Variants in HMCN1 observed in about 807,000 individuals in gnomAD.
The protein encoded by HMCN1 is hemicentin-1.
HMCN1 carries 321 observed loss-of-function variants against 625.9 expected under a neutral mutation model. That is an observed-to-expected ratio of 0.51 (90% CI 0.47 to 0.56). The LOEUF is 0.56. HMCN1 is among the 20% of genes least tolerant of loss of function. The pLI, the probability that HMCN1 is intolerant of heterozygous loss-of-function variation, is 0.00. For missense variants in HMCN1, 6,588 were observed against 6,887.3 expected (o/e 0.96, Z 1.54); for synonymous variants, 2,425 against 2,417.6 (o/e 1.00, Z -0.09).
Position 186,039,724 on chromosome 1 carries a change from T to C in HMCN1, c.6029-4T>C, listed in dbSNP as rs10911803. 2,014 of 1,613,304 alleles carry C rather than the reference T, an allele frequency of 1.2e-3. 21 individuals are homozygous for C. In the African/African-American group the frequency reaches 0.022, roughly 18 times the overall value. On this transcript the variant is annotated splice_polypyrimidine_tract_variant and splice_region_variant and intron_variant, in intron 38 of 106. Coordinates refer to ENST00000271588, the MANE Select transcript of HMCN1 (RefSeq NM_031935.3). ...CGTGTCTTACTTTCATTTGTTTTTT[T>C]CAGTGGCCCCATCAATTTCTGGCAG... is the stretch of plus-strand genomic sequence containing the variant.
intron 4 of HMCN1, among the ~76,000 whole-genome samples, chr1:185,881,549 C>T (rs1209935006): frequency 6.6e-6 from 1 of 152,176 alleles, no homozygotes; most frequent in African/African-American, 2.4e-5. Flanking sequence ...GAAAGGACAA[C>T]ATTCCAGTGG....
chr1:186,095,483 C>G lies in HMCN1; in HGVS notation c.10535C>G (p.Ala3512Gly), dbSNP rs374836783. The change falls in exon 68 of 107, where the codon GCT becomes GGT. Residue 3512 changes from alanine to glycine, a missense_variant. Physicochemically the swap from Ala to Gly is moderately conservative, Grantham distance 60 (BLOSUM62 0). Around this residue, in one of 3 missense-constraint regions of HMCN1, gnomAD observed 4,628 missense variants for 4,853.1 expected, o/e 0.95. Transcript: ENST00000271588. Reference sequence around the variant, plus strand: ...TACACCTGCATTGCCTCAAATGAAGCTGGAGAAGTCAGCAAGCACTTTATC... The same window carrying G: ...TACACCTGCATTGCCTCAAATGAAGGTGGAGAAGTCAGCAAGCACTTTATC... ...GKYTCIASNE[A>G]GEVSKHFILK... 3 of 1,613,490 alleles carry G rather than the reference C, an allele frequency of 1.9e-6. No homozygotes were observed. Among genetic ancestry groups the G allele is most frequent in the African/African-American group, 1.3e-5 (1 of 74,862 alleles).
intron 30 of HMCN1, among the ~76,000 whole-genome samples, chr1:186,008,127 A>G (rs550951861): frequency 6.6e-6 from 1 of 152,252 alleles, no homozygotes; most frequent in East Asian, 1.9e-4. Context: ...CTTATGATCT[A>G]TTTCTTTCCC....
intron 1 of HMCN1, among the ~76,000 whole-genome samples, chr1:185,781,326 G>GT (rs1336522932): frequency 1.3e-5 from 2 of 151,982 alleles, no homozygotes; most frequent in Non-Finnish European, 2.9e-5. Context: ...TTTTTTGAAG[G>GT]TTTTTTTGTG....
intron 83 of HMCN1, among the ~76,000 whole-genome samples, chr1:186,128,514 A>G (rs1661762389): frequency 6.6e-6 from 1 of 152,000 alleles, no homozygotes; most frequent in African/African-American, 2.4e-5. Context: ...ATTGCAGGTT[A>G]TAAGTAGCTT....
At chr1:186,161,984 A>G (rs1161266503) in intron 97 of HMCN1, among the ~76,000 whole-genome samples, 1 of 152,160 alleles carries the variant, frequency 6.6e-6, no homozygotes, top group African/African-American at 2.4e-5. Context: ...AGATTGGGGA[A>G]GTTCTCCTGG....
chr1:185,783,149 G>C (rs903267739), intron 1 of HMCN1, among the ~76,000 whole-genome samples: 1 of 152,108 alleles, frequency 6.6e-6, no homozygotes, highest in Non-Finnish European at 1.5e-5. Flanking sequence ...GGCTACTGAA[G>C]CTTGTGCATT....
intron 67 of HMCN1, among the ~76,000 whole-genome samples, chr1:186,095,018 TG>T (rs1660054310): frequency 6.6e-6 from 1 of 152,168 alleles, no homozygotes; most frequent in African/African-American, 2.4e-5. Context: ...TTGTGCGTTC[TG>T]TAAGAAAACA....
chr1:185,864,502 A>G lies in HMCN1; in HGVS notation c.372A>G (p.Gly124=). 6.2e-7 allele frequency: 1 copy of G among 1,613,988 alleles called. No homozygotes were observed. Among genetic ancestry groups the G allele is most frequent in the East Asian group, 2.2e-5 (1 of 44,858 alleles). ...GTGATTGCCCAGAAATGAGTATTGG[A>G]GCTATAAAAATTGCCTTGGAAATTT... The part of the protein sequence containing the change: ...GGGDCPEMSI[G]AIKIALEISL... Residue 124 remains glycine, a synonymous_variant, in exon 3 of 107, where the codon GGA becomes GGG. Transcript: ENST00000271588.
intron 40 of HMCN1, among the ~76,000 whole-genome samples, chr1:186,044,906 T>G (rs1212675851): frequency 3.9e-5 from 6 of 152,150 alleles, no homozygotes; most frequent in African/African-American, 1.4e-4. Context: ...ACTCTATTCT[T>G]TAATACACCC....
intron 11 of HMCN1, among the ~76,000 whole-genome samples, chr1:185,947,048 C>CT (rs1558085035): frequency 6.6e-6 from 1 of 152,040 alleles, no homozygotes; most frequent in East Asian, 1.9e-4. Context: ...ATGTGGAATT[C>CT]TTTTTTGTTG....
intron 21 of HMCN1, among the ~76,000 whole-genome samples, chr1:185,989,955 C>T (rs1475613161): frequency 6.6e-6 from 1 of 152,040 alleles, no homozygotes; most frequent in African/African-American, 2.4e-5. Context: ...GTTAACACTC[C>T]TAGCAAAGCC....
intron 51 of HMCN1, among the ~76,000 whole-genome samples, chr1:186,070,158 A>G (rs758316307): frequency 1.3e-5 from 2 of 152,224 alleles, no homozygotes; most frequent in Non-Finnish European, 2.9e-5. Context: ...AGCTATTCCA[A>G]TGTACATTGA....
At chr1:185,940,514 T>C (rs2102509932) in intron 11 of HMCN1, among the ~76,000 whole-genome samples, 1 of 152,352 alleles carries the variant, frequency 6.6e-6, no homozygotes, top group South Asian at 2.1e-4. Flanking sequence ...AGTTGCTGTT[T>C]TCATATGTAG....
At chr1:186,123,313 C>A (rs1661486901) in intron 81 of HMCN1, 93 bp downstream of exon 81, 1 of 1,457,328 alleles carries the variant, frequency 6.9e-7, no homozygotes, top group Non-Finnish European at 9.4e-7. Context: ...AGTCAAAAAC[C>A]CTTAAACTCA....
At chr1:185,837,260 G>A (rs1268291433) in intron 1 of HMCN1, among the ~76,000 whole-genome samples, 1 of 151,754 alleles carries the variant, frequency 6.6e-6, no homozygotes, top group African/African-American at 2.4e-5. Context: ...AATATTCCAG[G>A]TTTATCATGA....
chr1:185,767,219 G>A (rs1655934539), intron 1 of HMCN1, among the ~76,000 whole-genome samples: 1 of 152,088 alleles, frequency 6.6e-6, no homozygotes, highest in African/African-American at 2.4e-5. Context: ...TTAAAGTACA[G>A]TAAACTTACA....
intron 44 of HMCN1, 120 bp from the exon 45 acceptor site, chr1:186,055,273 C>A: frequency 1.1e-6 from 1 of 938,208 alleles, no homozygotes. Flanking sequence ...TGGGTCTTTT[C>A]TTTAGTTATT....
chr1:186,135,939 C>T (rs1050094780), intron 86 of HMCN1, among the ~76,000 whole-genome samples: 2 of 152,206 alleles, frequency 1.3e-5, no homozygotes, highest in African/African-American at 4.8e-5. Context: ...TATATGCTCT[C>T]AGCATCCACC....
Sources: gnomAD v4.1 joint callset for allele counts (sites outside exome capture counted in the v4.1 genomes callset) on GRCh38, gnomAD v4.1.1 for gene constraint, gnomAD v4.1.1 regional missense constraint, MANE v1.5 for transcripts, NCBI Gene and HGNC (gene_info 2026-07-23, HGNC 2026-07-21) for gene names.